The following CACNA1D variants were observed in gnomAD, a reference collection of about 807,000 sequenced individuals.
CACNA1D encodes voltage-dependent L-type calcium channel subunit alpha-1D.
A neutral mutation model predicts 257.1 loss-of-function variants in CACNA1D; 55 were observed. The ratio of observed to expected loss-of-function variants is 0.21; its 90% CI spans 0.17 to 0.27. CACNA1D has a LOEUF of 0.27. Among genes scored for constraint, CACNA1D ranks in the 10% least tolerant of loss-of-function variants. The probability of loss-of-function intolerance (pLI) is 1.00; values close to 1 mark genes in which losing one functional copy is unlikely to be tolerated. For synonymous variants in CACNA1D, 980 were observed against 1,014.9 expected (o/e 0.97, Z 0.65); for missense variants, 1,876 against 2,784.0 (o/e 0.67, Z 7.34).
chr3:53,747,781 CCATTCATTCATTCATTCATT>C, intron 26 of CACNA1D, among the ~76,000 whole-genome samples: 1 of 150,614 alleles, frequency 6.6e-6, no homozygotes, highest in South Asian at 2.1e-4. Context: ...GTGTCCCAAA[CCATTCATTCATTCATTCATT>C]CATTCATTCA....
At chr3:53,805,864 T>G (rs1279584693) in intron 45 of CACNA1D, among the ~76,000 whole-genome samples, 3 of 120,668 alleles carry the variant, frequency 2.5e-5, no homozygotes, top group African/African-American at 9.8e-5. Flanking sequence ...TCCTCCCTCA[T>G]CTTCCCTCCT....
rs909488519 is a variant in CACNA1D at position 53,751,814 on chromosome 3, C to T, written c.3582C>T (p.Tyr1194=). Residue 1194 remains tyrosine, a synonymous_variant, in exon 28 of 48, where the codon TAC becomes TAT. Transcript: ENST00000350061. The surrounding 1 kb of genome is among the most constrained non-coding windows in gnomAD (Gnocchi z 4.3). ...GGAGATACATCCCCAAAAACCCCTACCAGTACAAGTTCTGGTACGTGGTGA... is the reference window on the plus strand; with the variant it reads ...GGAGATACATCCCCAAAAACCCCTATCAGTACAAGTTCTGGTACGTGGTGA... ...PLRRYIPKNP[Y]QYKFWYVVNS... 1 of 1,613,930 alleles carries T rather than the reference C, an allele frequency of 6.2e-7. No individual in the cohort carries two copies. Among genetic ancestry groups the T allele is most frequent in the Non-Finnish European group, 8.5e-7 (1 of 1,179,928 alleles).
At chr3:53,752,324 A>C (rs1390376658) in intron 28 of CACNA1D, among the ~76,000 whole-genome samples, 2 of 152,194 alleles carry the variant, frequency 1.3e-5, no homozygotes, top group African/African-American at 4.8e-5. Flanking sequence ...TATCAGTAAA[A>C]TGGGGAAATC....
At chr3:53,539,355 G>T (rs898664298) in intron 3 of CACNA1D, among the ~76,000 whole-genome samples, 1 of 151,882 alleles carries the variant, frequency 6.6e-6, no homozygotes. Flanking sequence ...TGATCTGCCC[G>T]CCTCCGCCTC....
rs571368597 is a variant in CACNA1D at position 53,758,068 on chromosome 3, A to C, written c.3787-3930A>C. On this transcript the variant is annotated intron_variant, in intron 29 of 47. Coordinates refer to ENST00000350061, the MANE Select transcript of CACNA1D (RefSeq NM_001128840.3). ...TCAGTAAGATTGGTGGAATGAAGAA[A>C]GGAATAAAGGGATGATCCTGGAAGT... Among the ~76,000 whole-genome samples, 4 of 152,334 alleles carry C rather than the reference A, an allele frequency of 2.6e-5. No individual in the cohort carries two copies. The South Asian group carries it at 8.3e-4, about 32-fold the overall frequency.
At chr3:53,644,377 A>G (rs1461943109) in intron 3 of CACNA1D, among the ~76,000 whole-genome samples, 2 of 152,240 alleles carry the variant, frequency 1.3e-5, no homozygotes, top group African/African-American at 2.4e-5. Flanking sequence ...CATTGTTGTA[A>G]CTATAGCCAC....
intron 9 of CACNA1D, among the ~76,000 whole-genome samples, chr3:53,706,118 G>T (rs936812962): frequency 6.6e-6 from 1 of 152,214 alleles, no homozygotes; most frequent in Admixed American, 6.5e-5. Context: ...GAGGAGGATG[G>T]CGCAGGGCCC....
intron 45 of CACNA1D, 169 bp from the exon 46 acceptor site, chr3:53,808,480 T>G: frequency 2.8e-6 from 2 of 718,248 alleles, no homozygotes; most frequent in South Asian, 3.1e-5. Context: ...TCTGCCTTCA[T>G]CCTCTCCTAC....
intron 3 of CACNA1D, among the ~76,000 whole-genome samples, chr3:53,628,262 C>T (rs969888572): frequency 6.6e-6 from 1 of 152,132 alleles, no homozygotes; most frequent in Non-Finnish European, 1.5e-5. Flanking sequence ...TTGCTGTTCT[C>T]TCTGTGGTTA....
chr3:53,788,386 C>A (rs1168824511), intron 40 of CACNA1D, among the ~76,000 whole-genome samples: 1 of 152,188 alleles, frequency 6.6e-6, no homozygotes, highest in East Asian at 1.9e-4. Context: ...AGTCACACAG[C>A]CCATTGGCAT....
At chr3:53,663,311 T>C (rs1159028259) in intron 5 of CACNA1D, among the ~76,000 whole-genome samples, 1 of 152,232 alleles carries the variant, frequency 6.6e-6, no homozygotes. Flanking sequence ...GAAAGTGAGA[T>C]GATAGCAGAA....
chr3:53,705,403 G>A (rs1049327734), intron 9 of CACNA1D, among the ~76,000 whole-genome samples: 1 of 152,180 alleles, frequency 6.6e-6, no homozygotes, highest in Admixed American at 6.5e-5. Flanking sequence ...AAGCCTTGTA[G>A]ATCTTCAGAA....
At chr3:53,718,601 C>CCCCCCCAAAAAAAAA in intron 10 of CACNA1D, 1 of 1,103,198 alleles carries the variant, frequency 9.1e-7, no homozygotes, top group Non-Finnish European at 1.3e-6. Flanking sequence ...CCCCCCGGCC[C>CCCCCCCAAAAAAAAA]AGCATTTCAC....
chr3:53,736,093 T>G (rs2095054450), intron 20 of CACNA1D, among the ~76,000 whole-genome samples: 1 of 152,002 alleles, frequency 6.6e-6, no homozygotes, highest in Non-Finnish European at 1.5e-5. Context: ...GTAATTCCAG[T>G]GCTTTGGGGG....
chr3:53,717,012 A>C (rs895528535), intron 9 of CACNA1D, among the ~76,000 whole-genome samples: 3 of 152,168 alleles, frequency 2.0e-5, no homozygotes, highest in Non-Finnish European at 4.4e-5. Context: ...GGGCCTCAGA[A>C]TCTTCGCCAT....
chr3:53,801,708 G>A (rs1371222800), intron 42 of CACNA1D, among the ~76,000 whole-genome samples: 1 of 152,188 alleles, frequency 6.6e-6, no homozygotes, highest in Non-Finnish European at 1.5e-5. Context: ...TCTCAATTGT[G>A]CTCACATACT....
intron 28 of CACNA1D, 24 bp from the exon 29 acceptor site, chr3:53,753,548 C>A (rs113215899): frequency 2.1e-6 from 3 of 1,447,120 alleles, no homozygotes; most frequent in Non-Finnish European, 2.9e-6. Flanking sequence ...GCTCTGAGAA[C>A]GGTCCCTCTG....
rs141145830 is a variant in CACNA1D, at chr3:53,624,923, A to C, written c.484-25856A>C. Among the ~76,000 whole-genome samples the C allele has an allele frequency of 4.7e-3, 719 of 152,304 alleles. 9 individuals are homozygous for C. Among genetic ancestry groups the C allele is most frequent in the African/African-American group, 0.016 (668 of 41,562 alleles). On this transcript the variant is annotated intron_variant, in intron 3 of 47. Transcript: ENST00000350061. ...GTGACAGCGAACATTGCATTGATAG[A>C]ATAGGGATGTAAGAAGGCTGATTAA...
chr3:53,691,322 T>G (rs2094517446), intron 8 of CACNA1D, among the ~76,000 whole-genome samples: 1 of 152,078 alleles, frequency 6.6e-6, no homozygotes, highest in African/African-American at 2.4e-5. Flanking sequence ...GTATTTTTAG[T>G]AGAAATGGGG....
Sources: allele counts gnomAD v4.1 joint callset (sites outside exome capture counted in the v4.1 genomes callset), GRCh38; gene constraint gnomAD v4.1.1; non-coding constraint Gnocchi (gnomAD v3.1); transcripts MANE v1.5; gene names NCBI Gene and HGNC (gene_info 2026-07-23, HGNC 2026-07-21).